The following ASZ1 variants were observed in gnomAD, a reference collection of about 807,000 sequenced individuals.
The protein encoded by ASZ1 is ankyrin repeat, SAM and basic leucine zipper domain containing 1.
Under a neutral mutation model 61.8 loss-of-function variants are expected in ASZ1, and 67 were observed. The ratio of observed to expected loss-of-function variants is 1.08; its 90% CI spans 0.89 to 1.33. ASZ1 has a LOEUF of 1.33. Among genes scored for constraint, ASZ1 ranks in the 40% most tolerant of loss-of-function variants. ASZ1 has a pLI of 0.00. For missense variants in ASZ1, 577 were observed against 554.5 expected (o/e 1.04, Z -0.41); for synonymous variants, 193 against 192.7 (o/e 1.00, Z -0.01).
chr7:117,398,156 CCTATGGAGTG>C (rs1796611149), intron 4 of ASZ1, among the ~76,000 whole-genome samples: 1 of 152,196 alleles, frequency 6.6e-6, no homozygotes, highest in African/African-American at 2.4e-5. Context: ...ACACTCCTAT[CCTATGGAGTG>C]CTATCTCGCT....
intron 10 of ASZ1, among the ~76,000 whole-genome samples, chr7:117,375,441 A>G (rs1796119427): frequency 6.6e-6 from 1 of 152,106 alleles, no homozygotes; most frequent in Non-Finnish European, 1.5e-5. Context: ...TTCTTCATGT[A>G]TATTAAGGCC....
rs1796264266 is a variant in ASZ1, at chr7:117,382,083, T to C, written c.874A>G (p.Thr292Ala). The part of the protein sequence containing the change: ...FLHGLGLEHM[T>A]DLLKERDITL... ...TAAGATCTTACCTTTAGTAAATCTG[T>C]CATATGTTCAAGTCCAAGACCATGT... Residue 292 changes from threonine (T) to alanine (A), a missense_variant, in exon 8 of 13, where the codon ACA becomes GCA. Thr to Ala is a moderately conservative substitution (Grantham distance 58). Coordinates refer to ENST00000284629, the MANE Select transcript of ASZ1 (RefSeq NM_130768.3). The C allele has an allele frequency of 6.3e-7, 1 of 1,584,900 alleles. No homozygotes were observed. Among genetic ancestry groups the C allele is most frequent in the African/African-American group, 1.3e-5 (1 of 74,318 alleles).
intron 4 of ASZ1, among the ~76,000 whole-genome samples, chr7:117,403,260 A>G (rs1796714244): frequency 1.3e-5 from 2 of 151,424 alleles, no homozygotes; most frequent in African/African-American, 4.9e-5. Flanking sequence ...CTGGTAATGT[A>G]TTGTTATTTT....
chr7:117,427,485 G>A lies in ASZ1; in HGVS notation c.-25C>T. On this transcript the variant is annotated 5_prime_UTR_variant, in exon 1 of 13. Transcript: ENST00000284629. ...TGCCAGCCAAGGAAGCTCCCTGTCG[G>A]CACCGCGCGCCCTTCAGCTCTCCGG... is the stretch of plus-strand genomic sequence containing the variant. 6.2e-7 allele frequency: 1 copy of A among 1,611,374 alleles called. No individual in the cohort carries two copies.
At chr7:117,406,701 C>T (rs769269518) in intron 4 of ASZ1, among the ~76,000 whole-genome samples, 10 of 151,274 alleles carry the variant, frequency 6.6e-5, no homozygotes, top group Non-Finnish European at 1.3e-4. Context: ...TGTGGTGAGC[C>T]GAGATTGCGC....
At chr7:117,407,151 T>C (rs925517527) in intron 4 of ASZ1, among the ~76,000 whole-genome samples, 1 of 152,022 alleles carries the variant, frequency 6.6e-6, no homozygotes. Context: ...GGGAACTATA[T>C]ATTACTTACT....
chr7:117,393,030 T>C (rs1235094094), intron 4 of ASZ1, among the ~76,000 whole-genome samples: 2 of 151,954 alleles, frequency 1.3e-5, no homozygotes, highest in African/African-American at 4.8e-5. Flanking sequence ...GTATTTTTAG[T>C]AGAGACGGAT....
intron 4 of ASZ1, among the ~76,000 whole-genome samples, chr7:117,410,149 ATGG>A (rs1280999834): frequency 2.6e-4 from 40 of 151,886 alleles, no homozygotes; most frequent in African/African-American, 9.4e-4. Flanking sequence ...TGATTCTTTA[ATGG>A]CATCAGCCAT....
intron 2 of ASZ1, among the ~76,000 whole-genome samples, chr7:117,425,875 G>A (rs113584164): frequency 8.5e-4 from 129 of 151,902 alleles, no homozygotes; most frequent in African/African-American, 2.9e-3. Context: ...TTTTAGTCCC[G>A]GCTACTCCGG....
chr7:117,375,687 T>G (rs775142354), intron 10 of ASZ1, among the ~76,000 whole-genome samples: 1 of 151,962 alleles, frequency 6.6e-6, no homozygotes, highest in Non-Finnish European at 1.5e-5. Context: ...TCTCCAAACA[T>G]GTGGACATTA....
intron 6 of ASZ1, among the ~76,000 whole-genome samples, chr7:117,383,539 A>C (rs1796294477): frequency 6.6e-6 from 1 of 152,030 alleles, no homozygotes; most frequent in African/African-American, 2.4e-5. Context: ...TAGTACTTTA[A>C]AAACATTGCT....
intron 4 of ASZ1, among the ~76,000 whole-genome samples, chr7:117,391,611 T>G (rs751681457): frequency 6.6e-6 from 1 of 152,148 alleles, no homozygotes; most frequent in Middle Eastern, 3.4e-3. Flanking sequence ...GATTAGTTGG[T>G]TGTTGGTGTG....
intron 10 of ASZ1, among the ~76,000 whole-genome samples, chr7:117,374,916 A>G (rs1400230572): frequency 6.6e-6 from 1 of 152,072 alleles, no homozygotes. Context: ...GAGTTTCCTA[A>G]GCAATAAAAG....
intron 10 of ASZ1, among the ~76,000 whole-genome samples, chr7:117,376,214 C>T (rs1296654601): frequency 2.6e-5 from 4 of 151,984 alleles, no homozygotes; most frequent in African/African-American, 7.2e-5. Context: ...TGAACCAAGT[C>T]CTTGAAAAAC....
At chr7:117,366,711 A>G (rs1408839478) in intron 12 of ASZ1, among the ~76,000 whole-genome samples, 1 of 152,016 alleles carries the variant, frequency 6.6e-6, no homozygotes, top group Non-Finnish European at 1.5e-5. Context: ...TACTCTTTAG[A>G]AAACAGTTAA....
Position 117,363,445 on chromosome 7 carries a change from C to T in ASZ1, c.*151G>A. On this transcript the variant is annotated 3_prime_UTR_variant, in exon 13 of 13. Transcript: ENST00000284629. Reference sequence around the variant, plus strand: ...ATTTATAAGTCAAAGTAACAAACCACTTTTTAAAAAAAAACTCCACATTGT... The same window carrying T: ...ATTTATAAGTCAAAGTAACAAACCATTTTTTAAAAAAAAACTCCACATTGT... 1.8e-6 allele frequency: 1 copy of T among 560,220 alleles called. No individual in the cohort carries two copies. The highest frequency in any genetic ancestry group is 2.7e-6 in the Non-Finnish European group (1 of 368,618). The allele number at this position is 560,220 out of a possible 1,614,324, so 34.7% of individuals were successfully genotyped here.
intron 10 of ASZ1, among the ~76,000 whole-genome samples, chr7:117,372,793 GT>G (rs921230715): frequency 1.3e-5 from 2 of 151,988 alleles, no homozygotes; most frequent in Non-Finnish European, 2.9e-5. Context: ...TTCTTCCAGT[GT>G]TTTTCCTATG....
chr7:117,427,240 T>G, intron 1 of ASZ1, 116 bp downstream of exon 1: 1 of 1,209,350 alleles, frequency 8.3e-7, no homozygotes, highest in Non-Finnish European at 1.2e-6. Context: ...GTATTTCCAC[T>G]GGGTAAAAGG....
At chr7:117,382,715 CTAATA>C (rs1796278151) in intron 7 of ASZ1, among the ~76,000 whole-genome samples, 1 of 151,962 alleles carries the variant, frequency 6.6e-6, no homozygotes, top group Non-Finnish European at 1.5e-5. Context: ...TGTTTGAACA[CTAATA>C]TAATTTCAGA....
Sources: gnomAD v4.1 joint callset for allele counts (sites outside exome capture counted in the v4.1 genomes callset) on GRCh38, gnomAD v4.1.1 for gene constraint, MANE v1.5 for transcripts, NCBI Gene and HGNC (gene_info 2026-07-23, HGNC 2026-07-21) for gene names.